The following TSPAN18 variants were observed in gnomAD, a reference collection of about 807,000 sequenced individuals.
TSPAN18 encodes tetraspanin-18.
A neutral mutation model predicts 27.3 loss-of-function variants in TSPAN18; 14 were observed. That is an observed-to-expected ratio of 0.51 (90% CI 0.34 to 0.80). The LOEUF (loss-of-function observed/expected upper bound fraction) is 0.80. TSPAN18 is among the 30% of genes least tolerant of loss of function. The pLI, the probability that TSPAN18 is intolerant of heterozygous loss-of-function variation, is 0.01. For missense variants in TSPAN18, 268 were observed against 323.9 expected, an observed-to-expected ratio of 0.83 and a Z score of 1.32; for synonymous variants, 143 against 136.5, an observed-to-expected ratio of 1.05 and a Z score of -0.33.
At chr11:44,858,246 C>A (rs1295765978) in intron 2 of TSPAN18, among the ~76,000 whole-genome samples, 1 of 152,210 alleles carries the variant, frequency 6.6e-6, no homozygotes, top group Non-Finnish European at 1.5e-5. Context: ...GGTATCTCCA[C>A]GCCTATGCTC....
chr11:44,795,585 G>GGCAT (rs1326221393), intron 2 of TSPAN18, among the ~76,000 whole-genome samples: 1 of 152,118 alleles, frequency 6.6e-6, no homozygotes, highest in African/African-American at 2.4e-5. Context: ...GTGAGGATCA[G>GGCAT]GCATGCACTG....
In TSPAN18 at chr11:44,821,077, C is replaced by A. The variant is rs541506446; in HGVS notation, c.-152-39251C>A. ...ATACAATGAGTTGGTGCTTGTGATA[C>A]ACCAGAGAGGCACTCAATAAAATGT... On this transcript the variant is annotated intron_variant, in intron 2 of 9. Transcript: ENST00000520358. 3.9e-5 allele frequency among the ~76,000 whole-genome samples: 6 copies of A among 152,328 alleles called. No individual in the cohort carries two copies. The South Asian group carries it at 1.2e-3, about 32-fold the overall frequency.
chr11:44,771,704 A>T (rs779245178), intron 2 of TSPAN18, among the ~76,000 whole-genome samples: 1 of 152,340 alleles, frequency 6.6e-6, no homozygotes, highest in Non-Finnish European at 1.5e-5. Context: ...GCAAAATAAT[A>T]CAAAAACTTC....
At chr11:44,886,867 G>A (rs747445822) in intron 3 of TSPAN18, among the ~76,000 whole-genome samples, 3 of 152,180 alleles carry the variant, frequency 2.0e-5, no homozygotes, top group Non-Finnish European at 4.4e-5. Flanking sequence ...ACATAAGTGT[G>A]TGTGTGTGAT....
chr11:44,857,372 G>A (rs555195863), intron 2 of TSPAN18, among the ~76,000 whole-genome samples: 14 of 152,226 alleles, frequency 9.2e-5, no homozygotes, highest in Non-Finnish European at 1.3e-4. Context: ...GTCTAGCAGT[G>A]GAGCCAGGGG....
chr11:44,923,822 C>A (rs1305716809), intron 8 of TSPAN18, among the ~76,000 whole-genome samples: 1 of 86,510 alleles, frequency 1.2e-5, no homozygotes, highest in Non-Finnish European at 2.0e-5. Flanking sequence ...GCATCCTGTC[C>A]ATGCCCCAAC....
intron 1 of TSPAN18, among the ~76,000 whole-genome samples, chr11:44,730,359 G>A (rs1267463696): frequency 1.3e-5 from 2 of 152,140 alleles, no homozygotes; most frequent in Admixed American, 1.3e-4. Context: ...TTTCCAGAGG[G>A]CTGCTTTTCT....
chr11:44,900,193 A>G lies in TSPAN18; in HGVS notation c.-10-6214A>G, dbSNP rs138505948. On this transcript the variant is annotated intron_variant, in intron 3 of 9. Transcript: ENST00000520358. ...ATTGGCTGTGGAGGTGTGTCCCCAC[A>G]TTCAGTAGGCCTCTATAGGGGATGG... Among the ~76,000 whole-genome samples, 520 of 152,280 alleles carry G rather than the reference A, an allele frequency of 3.4e-3. 4 individuals carry two copies. The highest frequency in any genetic ancestry group is 0.012 in the African/African-American group (482 of 41,550).
chr11:44,791,798 T>C (rs1423563025), intron 2 of TSPAN18, among the ~76,000 whole-genome samples: 1 of 152,188 alleles, frequency 6.6e-6, no homozygotes, highest in Non-Finnish European at 1.5e-5. Context: ...GCTGTAGCAC[T>C]CAAGGCACCC....
intron 2 of TSPAN18, among the ~76,000 whole-genome samples, chr11:44,836,169 A>T (rs1857259933): frequency 6.6e-6 from 1 of 152,266 alleles, no homozygotes; most frequent in Admixed American, 6.5e-5. Flanking sequence ...GGCATGCTGA[A>T]AAATGAGACA....
chr11:44,849,050 T>C (rs1857543262), intron 2 of TSPAN18, among the ~76,000 whole-genome samples: 1 of 152,216 alleles, frequency 6.6e-6, no homozygotes, highest in Admixed American at 6.5e-5. Flanking sequence ...ATCTCTTAGC[T>C]GGGTTGTTGG....
At chr11:44,922,809 G>A (rs74655877) in intron 8 of TSPAN18, among the ~76,000 whole-genome samples, 3,722 of 152,216 alleles carry the variant, frequency 0.024, 49 homozygotes, top group Middle Eastern at 0.041. Flanking sequence ...GGCATGTTGC[G>A]TCTAAGAAAC....
At chr11:44,766,902 T>G (rs760048427) in intron 2 of TSPAN18, among the ~76,000 whole-genome samples, 1 of 152,176 alleles carries the variant, frequency 6.6e-6, no homozygotes, top group Non-Finnish European at 1.5e-5. Flanking sequence ...TTTTCTCATC[T>G]GTAAGATGGG....
chr11:44,867,904 T>G (rs1858083090), intron 3 of TSPAN18, among the ~76,000 whole-genome samples: 1 of 152,124 alleles, frequency 6.6e-6, no homozygotes, highest in African/African-American at 2.4e-5. Flanking sequence ...TTGTGCTGAG[T>G]TTGGGCTTTT....
Position 44,806,041 on chromosome 11 carries a change from C to CTT in TSPAN18, c.-153+41544_-153+41545dup, listed in dbSNP as rs34132755. ...CATTTTGAGGGAACACTATTTTTTCCTTTTTTTTTTTTTTTTGGAGTCTCG... is the reference window on the plus strand; with the variant it reads ...CATTTTGAGGGAACACTATTTTTTCCTTTTTTTTTTTTTTTTTTGGAGTCTCG... On this transcript the variant is annotated intron_variant, in intron 2 of 9. Coordinates refer to ENST00000520358, the MANE Select transcript of TSPAN18 (RefSeq NM_130783.5). 5.0e-3 allele frequency among the ~76,000 whole-genome samples: 674 copies of CTT among 134,450 alleles called. 10 individuals are homozygous for CTT. The highest frequency in any genetic ancestry group is 0.018 in the East Asian group (83 of 4,558). The allele number at this position is 134,450 out of a possible 152,430, so 88.2% of individuals were successfully genotyped here. A position where few individuals can be genotyped will look rare whatever the true frequency, so the allele number is the denominator to read the frequency against.
At chr11:44,855,101 T>C (rs1244034468) in intron 2 of TSPAN18, among the ~76,000 whole-genome samples, 2 of 152,212 alleles carry the variant, frequency 1.3e-5, no homozygotes, top group Admixed American at 6.5e-5. Context: ...TAAAATTTTA[T>C]GTTTATGTTT....
At chr11:44,773,900 T>C (rs1180942381) in intron 2 of TSPAN18, among the ~76,000 whole-genome samples, 4 of 152,164 alleles carry the variant, frequency 2.6e-5, no homozygotes, top group Non-Finnish European at 4.4e-5. Context: ...CTTGGGGTTA[T>C]GGAGAGCTGG....
intron 2 of TSPAN18, among the ~76,000 whole-genome samples, chr11:44,831,786 G>T (rs1304344392): frequency 6.6e-6 from 1 of 152,180 alleles, no homozygotes; most frequent in African/African-American, 2.4e-5. Context: ...ACGTCATGCA[G>T]TGGTTAGGCC....
At chr11:44,911,153 G>C (rs1859697086) in intron 5 of TSPAN18, among the ~76,000 whole-genome samples, 1 of 152,216 alleles carries the variant, frequency 6.6e-6, no homozygotes, top group African/African-American at 2.4e-5. Context: ...AAACAGCCCT[G>C]TTTAGAGAAG....
Sources: allele counts gnomAD v4.1 joint callset (sites outside exome capture counted in the v4.1 genomes callset), GRCh38; gene constraint gnomAD v4.1.1; transcripts MANE v1.5; gene names NCBI Gene and HGNC (gene_info 2026-07-23, HGNC 2026-07-21).